ROS1: variants seen among roughly 807,000 people sequenced by gnomAD.
ROS1 encodes the protein ROS proto-oncogene 1, receptor tyrosine kinase, also known as proto-oncogene tyrosine-protein kinase ROS.
A neutral mutation model predicts 273.5 loss-of-function variants in ROS1; 263 were observed. The ratio of observed to expected loss-of-function variants is 0.96; its 90% CI spans 0.87 to 1.06. The LOEUF is 1.06. Among genes scored for constraint, ROS1 ranks in the 50% least tolerant of loss-of-function variants. ROS1 has a pLI of 0.00. For synonymous variants in ROS1, 1,008 were observed against 954.1 expected (o/e 1.06, Z -1.04); for missense variants, 2,833 against 2,751.1 (o/e 1.03, Z -0.67).
At chr6:117,346,926 GC>G (rs903686274) in intron 27 of ROS1, among the ~76,000 whole-genome samples, 45 of 152,018 alleles carry the variant, frequency 3.0e-4, no homozygotes, top group African/African-American at 1.1e-3. Context: ...CAGCCTTCTC[GC>G]AACTAGTGAT....
chr6:117,365,317 AT>A, intron 20 of ROS1, 113 bp from the exon 21 acceptor site: 1 of 1,169,412 alleles, frequency 8.6e-7, no homozygotes, highest in South Asian at 1.6e-5. Context: ...AAAATTTGCA[AT>A]TTTGGAAGTG....
At chr6:117,352,079 TTC>T (rs1211426919) in intron 27 of ROS1, among the ~76,000 whole-genome samples, 1 of 152,072 alleles carries the variant, frequency 6.6e-6, no homozygotes, top group African/African-American at 2.4e-5. Context: ...GGCCATGCAA[TTC>T]TGTTTTTGTT....
At chr6:117,303,737 A>G (rs1412390846) in intron 42 of ROS1, among the ~76,000 whole-genome samples, 1 of 152,232 alleles carries the variant, frequency 6.6e-6, no homozygotes, top group Non-Finnish European at 1.5e-5. Context: ...TATGTGGACT[A>G]TAAATTATAA....
intron 1 of ROS1, among the ~76,000 whole-genome samples, chr6:117,424,388 G>A (rs1279546271): frequency 6.6e-6 from 1 of 151,472 alleles, no homozygotes; most frequent in Non-Finnish European, 1.5e-5. Flanking sequence ...AGAATTAGAA[G>A]TTTTTTATTC....
At chr6:117,388,997 G>A (rs908029001) in intron 13 of ROS1, among the ~76,000 whole-genome samples, 1 of 152,060 alleles carries the variant, frequency 6.6e-6, no homozygotes, top group Non-Finnish European at 1.5e-5. Flanking sequence ...GAGTTTTAGG[G>A]AATTGCTGAA....
intron 37 of ROS1, 132 bp downstream of exon 37, chr6:117,319,736 A>C: frequency 1.4e-6 from 1 of 722,002 alleles, no homozygotes; most frequent in East Asian, 2.6e-5. Context: ...TTCTGTAGCT[A>C]TGGATAGGCT....
intron 27 of ROS1, among the ~76,000 whole-genome samples, chr6:117,350,015 A>G (rs892911261): frequency 6.6e-6 from 1 of 152,002 alleles, no homozygotes; most frequent in Non-Finnish European, 1.5e-5. Context: ...TGAACAAACT[A>G]TTATCCATTA....
chr6:117,317,200 C>A lies in ROS1; in HGVS notation c.6060G>T (p.Leu2020=), dbSNP rs759546425. The A allele has an allele frequency of 6.2e-7, 1 of 1,613,366 alleles. No homozygotes were observed. The highest frequency in any genetic ancestry group is 8.5e-7 in the Non-Finnish European group (1 of 1,179,618). ...GAAGGTCTCCTCCCTCCATCAGTTCCAGGATAATGTATTGGGGTTCATTCA... is the reference window on the plus strand; with the variant it reads ...GAAGGTCTCCTCCCTCCATCAGTTCAAGGATAATGTATTGGGGTTCATTCA... ...CLLNEPQYII[L]ELMEGGDLLT... is the part of the protein sequence containing the mutation. The change falls in exon 39 of 44, where the codon CTG becomes CTT. Residue 2020 remains leucine, a synonymous_variant. Transcript: ENST00000368507.
At chr6:117,308,336 A>G (rs1775267051) in intron 42 of ROS1, among the ~76,000 whole-genome samples, 1 of 152,126 alleles carries the variant, frequency 6.6e-6, no homozygotes, top group African/African-American at 2.4e-5. Context: ...ACTATTTCTT[A>G]TTAGTCAATG....
At chr6:117,375,879 T>C (rs902990304) in intron 18 of ROS1, among the ~76,000 whole-genome samples, 1 of 152,090 alleles carries the variant, frequency 6.6e-6, no homozygotes, top group Non-Finnish European at 1.5e-5. Context: ...GTTGGAGACA[T>C]ACCAAAATTT....
At chr6:117,306,141 A>G (rs549884128) in intron 42 of ROS1, among the ~76,000 whole-genome samples, 85 of 151,982 alleles carry the variant, frequency 5.6e-4, no homozygotes, top group African/African-American at 2.0e-3. Flanking sequence ...ACTTCAATAC[A>G]TGAAAACGTC....
chr6:117,287,953 A>T lies in ROS1; in HGVS notation c.*539T>A, dbSNP rs1405620234. On this transcript the variant is annotated 3_prime_UTR_variant, in exon 44 of 44. Coordinates refer to ENST00000368507, the MANE Select transcript of ROS1 (RefSeq NM_001378902.1). ...AAAAAAAATTAAAAAAAGATAATAT[A>T]TATATCATTGCAGTAACAGCTTTCC... is the stretch of plus-strand genomic sequence containing the variant. Among the ~76,000 whole-genome samples, 1 of 151,680 alleles carries T rather than the reference A, an allele frequency of 6.6e-6. No individual in the cohort carries two copies. Among genetic ancestry groups the T allele is most frequent in the African/African-American group, 2.4e-5 (1 of 41,304 alleles).
At chr6:117,358,602 G>T (rs1478845041) in intron 24 of ROS1, among the ~76,000 whole-genome samples, 1 of 151,960 alleles carries the variant, frequency 6.6e-6, no homozygotes, top group East Asian at 1.9e-4. Context: ...TGAGACTACA[G>T]GTGCGCACCA....
At chr6:117,336,808 G>T (rs1214183281) in intron 32 of ROS1, among the ~76,000 whole-genome samples, 1 of 151,992 alleles carries the variant, frequency 6.6e-6, no homozygotes, top group East Asian at 1.9e-4. Context: ...AATTTTTAAT[G>T]AACTTCTTAT....
intron 39 of ROS1, among the ~76,000 whole-genome samples, chr6:117,313,113 C>G (rs548981076): frequency 6.6e-6 from 1 of 152,244 alleles, no homozygotes; most frequent in African/African-American, 2.4e-5. Context: ...TCCTTGAGTG[C>G]AAGAACTACA....
At chr6:117,399,612 G>A (rs189002701) in intron 7 of ROS1, among the ~76,000 whole-genome samples, 88 of 152,294 alleles carry the variant, frequency 5.8e-4, no homozygotes, top group Non-Finnish European at 5.6e-4. Flanking sequence ...CCTGGAGCAT[G>A]TCTTCCTGGG....
At chr6:117,299,203 A>T (rs116167649) in intron 43 of ROS1, among the ~76,000 whole-genome samples, 1 of 152,224 alleles carries the variant, frequency 6.6e-6, no homozygotes, top group Non-Finnish European at 1.5e-5. Flanking sequence ...GTCGCTTGGC[A>T]GTTTGTGTTG....
intron 22 of ROS1, among the ~76,000 whole-genome samples, chr6:117,361,656 G>T (rs1035486392): frequency 2.9e-4 from 43 of 150,806 alleles, no homozygotes; most frequent in African/African-American, 1.0e-3. Flanking sequence ...AAATAGGAAC[G>T]TGTACTATCT....
At chr6:117,355,515 A>G (rs1779236890) in intron 26 of ROS1, among the ~76,000 whole-genome samples, 1 of 152,156 alleles carries the variant, frequency 6.6e-6, no homozygotes, top group South Asian at 2.1e-4. Flanking sequence ...TTATACCTAC[A>G]TTGTCCAATA....
Sources: gnomAD v4.1 joint callset for allele counts (sites outside exome capture counted in the v4.1 genomes callset) on GRCh38, gnomAD v4.1.1 for gene constraint, MANE v1.5 for transcripts, NCBI Gene and HGNC (gene_info 2026-07-23, HGNC 2026-07-21) for gene names.